Variants in GPM6A observed in about 807,000 individuals in gnomAD.
GPM6A encodes the protein neuronal membrane glycoprotein M6-a.
A neutral mutation model predicts 32.1 loss-of-function variants in GPM6A; 7 were observed. That is an observed-to-expected ratio of 0.22 (90% CI 0.12 to 0.41). GPM6A has a LOEUF of 0.41. Ranked by LOEUF, GPM6A falls within the 10% of genes least tolerant of loss-of-function variation. The pLI is 1.00. For missense variants in GPM6A, 235 were observed against 347.2 expected (o/e 0.68, Z 2.57); for synonymous variants, 130 against 123.4 (o/e 1.05, Z -0.35).
At chr4:176,002,279 C>G (rs1366539536) in intron 1 of GPM6A, 1 of 1,597,498 alleles carries the variant, frequency 6.3e-7, no homozygotes, top group Admixed American at 1.7e-5. Context: ...AGCCTTTGGG[C>G]GAGGTGTACG....
intron 1 of GPM6A, among the ~76,000 whole-genome samples, chr4:175,974,101 C>T (rs1025664456): frequency 4.0e-5 from 6 of 151,784 alleles, no homozygotes; most frequent in South Asian, 4.2e-4. Flanking sequence ...GGCGTGGTGG[C>T]GCACACCTGT....
intron 1 of GPM6A, among the ~76,000 whole-genome samples, chr4:175,969,709 C>T (rs562778249): frequency 7.9e-5 from 12 of 152,046 alleles, no homozygotes; most frequent in African/African-American, 2.9e-4. Context: ...AAACTCTGCT[C>T]AAATAATAAG....
At chr4:175,936,899 C>T (rs1417320545) in intron 1 of GPM6A, among the ~76,000 whole-genome samples, 2 of 151,916 alleles carry the variant, frequency 1.3e-5, no homozygotes, top group African/African-American at 4.8e-5. Flanking sequence ...ACAAAGAAGT[C>T]ACAAAAAATA....
chr4:175,841,122 GGCT>G (rs1274810006), intron 1 of GPM6A, among the ~76,000 whole-genome samples: 2 of 152,074 alleles, frequency 1.3e-5, no homozygotes, highest in Non-Finnish European at 2.9e-5. Context: ...AAAGATAAGT[GGCT>G]GCTAAATTAT....
At chr4:175,886,154 A>G (rs1027724268) in intron 1 of GPM6A, among the ~76,000 whole-genome samples, 13 of 152,166 alleles carry the variant, frequency 8.5e-5, no homozygotes, top group Non-Finnish European at 1.6e-4. Flanking sequence ...ACACTGTCTC[A>G]GATGCAGGAA....
intron 1 of GPM6A, among the ~76,000 whole-genome samples, chr4:175,868,935 T>C (rs1376924016): frequency 1.3e-5 from 2 of 152,230 alleles, no homozygotes; most frequent in African/African-American, 4.8e-5. Context: ...TATTGTACAA[T>C]TGCTTGTATT....
intron 1 of GPM6A, among the ~76,000 whole-genome samples, chr4:175,944,585 G>A (rs1270312258): frequency 6.6e-6 from 1 of 152,150 alleles, no homozygotes; most frequent in Non-Finnish European, 1.5e-5. Context: ...CATATGGAGA[G>A]CATACAGCTC....
At chr4:175,684,013 T>G (rs953691169) in intron 2 of GPM6A, among the ~76,000 whole-genome samples, 1 of 152,034 alleles carries the variant, frequency 6.6e-6, no homozygotes, top group Non-Finnish European at 1.5e-5. Context: ...GTATTTTTAG[T>G]AAAGATGGAG....
intron 2 of GPM6A, among the ~76,000 whole-genome samples, chr4:175,675,578 C>T (rs1579371672): frequency 6.6e-6 from 1 of 152,124 alleles, no homozygotes; most frequent in East Asian, 1.9e-4. Context: ...CACTAATCTT[C>T]CTTTGAACTT....
intron 1 of GPM6A, among the ~76,000 whole-genome samples, chr4:175,890,950 C>T (rs1737630284): frequency 1.3e-5 from 2 of 151,894 alleles, no homozygotes; most frequent in African/African-American, 4.8e-5. Flanking sequence ...ATACATAGCC[C>T]AAATGATATA....
chr4:175,639,539 T>C (rs1264046182), intron 6 of GPM6A, among the ~76,000 whole-genome samples: 2 of 152,120 alleles, frequency 1.3e-5, no homozygotes, highest in African/African-American at 4.8e-5. Flanking sequence ...ATATTTGGCA[T>C]TCCAGTGGGC....
intron 1 of GPM6A, among the ~76,000 whole-genome samples, chr4:175,769,371 C>A (rs1355823424): frequency 1.3e-5 from 2 of 151,870 alleles, no homozygotes; most frequent in Admixed American, 6.6e-5. Flanking sequence ...TGCCCAGAAA[C>A]AATTCTAGGA....
intron 1 of GPM6A, among the ~76,000 whole-genome samples, chr4:175,920,418 A>G (rs188700054): frequency 6.6e-6 from 1 of 152,366 alleles, no homozygotes; most frequent in Admixed American, 6.5e-5. Flanking sequence ...TGTTCCATGC[A>G]TACAGCAAGC....
chr4:175,726,425 G>C (rs1171658739), intron 1 of GPM6A, among the ~76,000 whole-genome samples: 3 of 152,124 alleles, frequency 2.0e-5, no homozygotes, highest in Non-Finnish European at 2.9e-5. Flanking sequence ...ACCAAAAACT[G>C]TTGTCTCCAT....
At chr4:175,638,766 G>A (rs555049890) in intron 6 of GPM6A, among the ~76,000 whole-genome samples, 89 of 152,116 alleles carry the variant, frequency 5.9e-4, no homozygotes, top group Non-Finnish European at 1.1e-3. Context: ...GTACATACCC[G>A]TGTCATTAAA....
At chr4:175,728,328 A>G (rs996142868) in intron 1 of GPM6A, among the ~76,000 whole-genome samples, 3 of 152,212 alleles carry the variant, frequency 2.0e-5, no homozygotes, top group Admixed American at 6.5e-5. Context: ...AAATTAAAAA[A>G]ACTAAATTCA....
At chr4:175,944,929 G>A (rs1739540707) in intron 1 of GPM6A, among the ~76,000 whole-genome samples, 1 of 152,120 alleles carries the variant, frequency 6.6e-6, no homozygotes, top group South Asian at 2.1e-4. Flanking sequence ...TAGTCTTCAT[G>A]TACATTTTTT....
chr4:175,935,434 G>A (rs956997133), intron 1 of GPM6A, among the ~76,000 whole-genome samples: 1 of 152,110 alleles, frequency 6.6e-6, no homozygotes, highest in Non-Finnish European at 1.5e-5. Context: ...CCCAAAAATA[G>A]TAAAGAAGTC....
chr4:175,793,767 T>A (rs1274673144), intron 1 of GPM6A, among the ~76,000 whole-genome samples: 1 of 152,214 alleles, frequency 6.6e-6, no homozygotes, highest in African/African-American at 2.4e-5. Context: ...CATTTCCCAT[T>A]GTTTATGATA....
Sources: gnomAD v4.1 joint callset for allele counts (sites outside exome capture counted in the v4.1 genomes callset) on GRCh38, gnomAD v4.1.1 for gene constraint, MANE v1.5 for transcripts, NCBI Gene and HGNC (gene_info 2026-07-23, HGNC 2026-07-21) for gene names.